DCBLD1: variants seen among roughly 807,000 people sequenced by gnomAD.
The protein encoded by DCBLD1 is discoidin, CUB and LCCL domain containing 1, also known as discoidin, CUB and LCCL domain-containing protein 1.
Under a neutral mutation model 71.5 loss-of-function variants are expected in DCBLD1, and 57 were observed. The observed-to-expected ratio is 0.80, with a 90% CI of 0.64 to 0.99. The LOEUF is 0.99. DCBLD1 is among the 50% of genes least tolerant of loss of function. The pLI, the probability that DCBLD1 is intolerant of heterozygous loss-of-function variation, is 0.00. For synonymous variants in DCBLD1, 380 were observed against 363.8 expected (o/e 1.04, Z -0.51); for missense variants, 891 against 923.5 (o/e 0.96, Z 0.46).
intron 2 of DCBLD1, 101 bp from the exon 3 acceptor site, chr6:117,519,715 T>C (rs976230582): frequency 7.0e-7 from 1 of 1,419,272 alleles, no homozygotes; most frequent in Admixed American, 1.9e-5. Context: ...TACATATGTA[T>C]TGTCTAGTAA....
intron 2 of DCBLD1, among the ~76,000 whole-genome samples, chr6:117,517,373 G>A (rs922870175): frequency 6.6e-6 from 1 of 152,218 alleles, no homozygotes; most frequent in African/African-American, 2.4e-5. Context: ...CCACCCCTGT[G>A]GCTTTGCAGG....
At chr6:117,488,183 G>T (rs1046568111) in intron 1 of DCBLD1, among the ~76,000 whole-genome samples, 1 of 152,208 alleles carries the variant, frequency 6.6e-6, no homozygotes, top group Admixed American at 6.5e-5. Flanking sequence ...CCAGTACGGT[G>T]CCTGGCACAT....
intron 1 of DCBLD1, among the ~76,000 whole-genome samples, chr6:117,497,745 C>A (rs1274876869): frequency 6.6e-6 from 1 of 152,144 alleles, no homozygotes; most frequent in East Asian, 1.9e-4. Flanking sequence ...TAATGACAGT[C>A]CGTGACTTCT....
intron 1 of DCBLD1, among the ~76,000 whole-genome samples, chr6:117,493,035 C>T (rs1777347145): frequency 6.6e-6 from 1 of 152,126 alleles, no homozygotes; most frequent in Non-Finnish European, 1.5e-5. Context: ...TAAATGAAAT[C>T]TGGAGTGAAA....
chr6:117,561,686 A>G (rs1019466229), intron 14 of DCBLD1: 12 of 204,846 alleles, frequency 5.9e-5, no homozygotes, highest in Admixed American at 1.8e-4. Flanking sequence ...CTCAGAGACA[A>G]TGCTATAAAG....
At chr6:117,502,214 A>G (rs1199070810) in intron 1 of DCBLD1, among the ~76,000 whole-genome samples, 1 of 152,162 alleles carries the variant, frequency 6.6e-6, no homozygotes, top group Non-Finnish European at 1.5e-5. Context: ...GTTGCCTACC[A>G]TGTAAATTTC....
intron 2 of DCBLD1, among the ~76,000 whole-genome samples, chr6:117,515,168 C>T (rs531266042): frequency 9.1e-4 from 139 of 152,108 alleles, no homozygotes; most frequent in Non-Finnish European, 1.8e-3. Context: ...TACAGGCACC[C>T]ACCACCATGC....
At chr6:117,528,782 A>G (rs760100115) in intron 5 of DCBLD1, among the ~76,000 whole-genome samples, 1 of 152,210 alleles carries the variant, frequency 6.6e-6, no homozygotes, top group Non-Finnish European at 1.5e-5. Flanking sequence ...AATTAAAACC[A>G]TTTGTCAGGG....
intron 5 of DCBLD1, among the ~76,000 whole-genome samples, chr6:117,531,322 T>C (rs1778712697): frequency 6.6e-6 from 1 of 152,196 alleles, no homozygotes; most frequent in Non-Finnish European, 1.5e-5. Context: ...TTTAGGAAAT[T>C]ATGTTTCTTA....
chr6:117,531,648 T>C (rs1255215411), intron 5 of DCBLD1, among the ~76,000 whole-genome samples: 1 of 152,186 alleles, frequency 6.6e-6, no homozygotes, highest in East Asian at 1.9e-4. Flanking sequence ...TTGCTCATCA[T>C]CCCTCTAGGA....
At chr6:117,563,270 T>C (rs1779623275) in intron 14 of DCBLD1, 1 of 1,613,106 alleles carries the variant, frequency 6.2e-7, no homozygotes, top group Non-Finnish European at 8.5e-7. Context: ...AGATTTTTTA[T>C]GATACAGAGT....
chr6:117,504,554 G>A (rs548517405), intron 2 of DCBLD1, among the ~76,000 whole-genome samples: 4 of 152,206 alleles, frequency 2.6e-5, no homozygotes, highest in South Asian at 2.1e-4. Flanking sequence ...TCAGTAAGTG[G>A]ACATTTGAGC....
At chr6:117,503,583 G>A (rs1036949630) in intron 1 of DCBLD1, 184 bp from the exon 2 acceptor site, 8 of 612,774 alleles carry the variant, frequency 1.3e-5, no homozygotes, top group Non-Finnish European at 2.0e-5. Flanking sequence ...TGGAAAACAA[G>A]AGATGAAATA....
chr6:117,524,842 T>C (rs1051299136), intron 4 of DCBLD1, among the ~76,000 whole-genome samples: 6 of 152,216 alleles, frequency 3.9e-5, no homozygotes, highest in African/African-American at 1.4e-4. Context: ...TTTAAATTTG[T>C]ATATGTGGCT....
intron 2 of DCBLD1, among the ~76,000 whole-genome samples, chr6:117,508,528 G>A (rs1777911813): frequency 6.6e-6 from 1 of 152,136 alleles, no homozygotes; most frequent in Non-Finnish European, 1.5e-5. Flanking sequence ...TCATACTAAA[G>A]ATACTACTCT....
intron 2 of DCBLD1, among the ~76,000 whole-genome samples, chr6:117,510,983 A>G (rs1354261400): frequency 2.0e-5 from 3 of 152,128 alleles, no homozygotes; most frequent in African/African-American, 7.2e-5. Context: ...CTTTACACCT[A>G]AGGAAACTGA....
downstream of DCBLD1, among the ~76,000 whole-genome samples, chr6:117,553,460 C>T (rs1779456749): frequency 6.6e-6 from 1 of 152,124 alleles, no homozygotes; most frequent in Non-Finnish European, 1.5e-5. Flanking sequence ...CTTCTTCTTC[C>T]TTTCATTGGA....
At chr6:117,503,405 G>T (rs1777728870) in intron 1 of DCBLD1, among the ~76,000 whole-genome samples, 1 of 152,168 alleles carries the variant, frequency 6.6e-6, no homozygotes, top group African/African-American at 2.4e-5. Flanking sequence ...TTTCTCCATT[G>T]TGAATTATTA....
At chr6:117,488,300 T>A (rs1438644411) in intron 1 of DCBLD1, among the ~76,000 whole-genome samples, 1 of 152,172 alleles carries the variant, frequency 6.6e-6, no homozygotes, top group African/African-American at 2.4e-5. Context: ...TAAACAGAAA[T>A]TGTATATATG....
Sources: gnomAD v4.1 joint callset for allele counts (sites outside exome capture counted in the v4.1 genomes callset) on GRCh38, gnomAD v4.1.1 for gene constraint, MANE v1.5 for transcripts, NCBI Gene and HGNC (gene_info 2026-07-23, HGNC 2026-07-21) for gene names.